The following SLC4A8 variants were observed in gnomAD, a reference collection of about 807,000 sequenced individuals.
SLC4A8 encodes solute carrier family 4 member 8, also known as electroneutral sodium bicarbonate exchanger 1.
In SLC4A8, 40 loss-of-function variants were observed where a neutral mutation model predicts 125.0. The ratio of observed to expected loss-of-function variants is 0.32; its 90% confidence interval spans 0.25 to 0.42. SLC4A8 has a LOEUF of 0.42. SLC4A8 is among the 10% of genes least tolerant of loss of function. The probability of loss-of-function intolerance (pLI) is 1.00; values close to 1 mark genes in which losing one functional copy is unlikely to be tolerated. For synonymous variants in SLC4A8, 456 were observed against 476.0 expected (o/e 0.96, Z 0.55); for missense variants, 863 against 1,355.1 (o/e 0.64, Z 5.70).
At chr12:51,505,549 C>T (rs968704421) in intron 23 of SLC4A8, among the ~76,000 whole-genome samples, 8 of 152,228 alleles carry the variant, frequency 5.3e-5, no homozygotes, top group Non-Finnish European at 1.2e-4. Flanking sequence ...GCAGCATCTC[C>T]AGTGAGGCCC....
chr12:51,409,930 C>T (rs932343669), intron 1 of SLC4A8, among the ~76,000 whole-genome samples: 5 of 152,166 alleles, frequency 3.3e-5, no homozygotes, highest in African/African-American at 4.8e-5. Flanking sequence ...ATGGGAAATA[C>T]GTGGAAATGT....
chr12:51,460,411 G>T (rs982733751), intron 8 of SLC4A8, among the ~76,000 whole-genome samples: 1 of 151,888 alleles, frequency 6.6e-6, no homozygotes, highest in Admixed American at 6.6e-5. Context: ...AAAAAAATCA[G>T]CAGTAATCTC....
intron 1 of SLC4A8, among the ~76,000 whole-genome samples, chr12:51,430,156 A>G (rs1373042969): frequency 6.6e-6 from 1 of 152,126 alleles, no homozygotes. Flanking sequence ...AATCTTCACA[A>G]TAATAAACCC....
chr12:51,489,588 C>T, intron 18 of SLC4A8, 112 bp from the exon 19 acceptor site: 4 of 1,377,826 alleles, frequency 2.9e-6, no homozygotes, highest in Non-Finnish European at 4.0e-6. Context: ...TGAACCCCTT[C>T]CTTCTTATCC....
intron 1 of SLC4A8, among the ~76,000 whole-genome samples, chr12:51,404,284 A>C (rs1211970304): frequency 6.6e-6 from 1 of 152,174 alleles, no homozygotes; most frequent in Non-Finnish European, 1.5e-5. Context: ...ACTATGTACA[A>C]GGAGAGGCAG....
chr12:51,407,363 A>T (rs940272291), intron 1 of SLC4A8, among the ~76,000 whole-genome samples: 5 of 152,068 alleles, frequency 3.3e-5, no homozygotes, highest in African/African-American at 1.2e-4. Context: ...GGCTCAAGCA[A>T]TCCTGCCTGA....
chr12:51,463,469 C>A, intron 10 of SLC4A8, 145 bp from the exon 11 acceptor site: 1 of 552,194 alleles, frequency 1.8e-6, no homozygotes. Flanking sequence ...AGTCAATAAA[C>A]TGCATCAAGT....
intron 16 of SLC4A8, among the ~76,000 whole-genome samples, chr12:51,478,462 A>G (rs1950922337): frequency 1.3e-5 from 2 of 152,156 alleles, no homozygotes; most frequent in African/African-American, 4.8e-5. Flanking sequence ...TACAGACGCA[A>G]AGAAACTTTA....
intron 3 of SLC4A8, 135 bp from the exon 4 acceptor site, chr12:51,451,989 G>T: frequency 1.2e-6 from 1 of 838,970 alleles, no homozygotes. Context: ...CTTTTTCTCT[G>T]AGAATAAAGA....
At chr12:51,487,021 T>C (rs74880234) in intron 17 of SLC4A8, among the ~76,000 whole-genome samples, 36 of 152,266 alleles carry the variant, frequency 2.4e-4, no homozygotes, top group African/African-American at 8.7e-4. Flanking sequence ...TGTCTAAAAA[T>C]AGGTAATATG....
intron 16 of SLC4A8, among the ~76,000 whole-genome samples, chr12:51,476,576 G>T (rs528373580): frequency 3.9e-4 from 60 of 152,254 alleles, no homozygotes; most frequent in Non-Finnish European, 7.8e-4. Flanking sequence ...ATACACTATT[G>T]TAGATAGTTT....
upstream of SLC4A8, chr12:51,420,213 G>A (rs1259782215): frequency 6.6e-6 from 1 of 152,178 alleles, no homozygotes. Context: ...AGATGTGTAA[G>A]TAAGAGGAAA....
intron 1 of SLC4A8, among the ~76,000 whole-genome samples, chr12:51,392,590 A>AAAAAGAAAAG (rs1240861311): frequency 6.6e-6 from 1 of 150,968 alleles, no homozygotes; most frequent in African/African-American, 2.4e-5. Context: ...AAAAAAAGAA[A>AAAAAGAAAAG]AAAAGAAAAG....
intron 17 of SLC4A8, among the ~76,000 whole-genome samples, chr12:51,488,141 G>C (rs1416958749): frequency 6.6e-6 from 1 of 152,192 alleles, no homozygotes. Context: ...AGGGGATTCG[G>C]AACTATTACT....
chr12:51,478,274 C>CA (rs10668768), intron 16 of SLC4A8, among the ~76,000 whole-genome samples: 66,115 of 133,492 alleles, frequency 0.5, 15,978 homozygotes, highest in Non-Finnish European at 0.54. Flanking sequence ...AACTCCGTCT[C>CA]AAAAAAAAAA....
In SLC4A8 at chr12:51,509,853, T is replaced by C. The variant is rs911269327; in HGVS notation, c.*2415T>C. ...TTTAAAAAAAATATGATTTGGTGCG[T>C]TGTTGGGGTGAACTCCATGGGGAAG... On this transcript the variant is annotated 3_prime_UTR_variant, in exon 25 of 25. Transcript: ENST00000453097. 6.6e-6 allele frequency: 1 copy of C among 152,276 alleles called. No individual in the cohort carries two copies. The highest frequency in any genetic ancestry group is 1.5e-5 in the Non-Finnish European group (1 of 68,030). 9.4% of individuals were successfully genotyped at this position (152,276 alleles called of 1,614,324 possible). A position where few individuals can be genotyped will look rare whatever the true frequency, so the allele number is the denominator to read the frequency against.
chr12:51,394,291 C>A (rs996322379), intron 1 of SLC4A8, among the ~76,000 whole-genome samples: 1 of 152,240 alleles, frequency 6.6e-6, no homozygotes, highest in Non-Finnish European at 1.5e-5. Flanking sequence ...CTTCAGCTGA[C>A]GCTGATTTTA....
At chr12:51,411,927 T>TGGC (rs763404904) in intron 1 of SLC4A8, among the ~76,000 whole-genome samples, 6 of 152,104 alleles carry the variant, frequency 3.9e-5, no homozygotes, top group Non-Finnish European at 8.8e-5. Context: ...CTGGGCGTGG[T>TGGC]GGCATGTGCC....
intron 1 of SLC4A8, chr12:51,403,403 T>C (rs979768942): frequency 5.4e-6 from 2 of 368,896 alleles, no homozygotes; most frequent in African/African-American, 4.2e-5. Flanking sequence ...ATCATGAAAT[T>C]TGGCCTGGGT....
Sources: gnomAD v4.1 joint callset for allele counts (sites outside exome capture counted in the v4.1 genomes callset) on GRCh38, gnomAD v4.1.1 for gene constraint, MANE v1.5 for transcripts, NCBI Gene and HGNC (gene_info 2026-07-23, HGNC 2026-07-21) for gene names.